The following CACNA2D3 variants were observed in gnomAD, a reference collection of about 807,000 sequenced individuals.
CACNA2D3 encodes calcium voltage-gated channel auxiliary subunit alpha2delta 3.
In CACNA2D3, 60 loss-of-function variants were observed where a neutral mutation model predicts 160.6. The ratio of observed to expected loss-of-function variants is 0.37; its 90% confidence interval spans 0.30 to 0.46. CACNA2D3 has a LOEUF of 0.46. Among genes scored for constraint, CACNA2D3 ranks in the 20% least tolerant of loss-of-function variants. The pLI, the probability that CACNA2D3 is intolerant of heterozygous loss-of-function variation, is 1.00. For missense variants in CACNA2D3, 1,205 were observed against 1,365.0 expected (o/e 0.88, Z 1.85); for synonymous variants, 558 against 492.9 (o/e 1.13, Z -1.75).
chr3:55,051,154 T>C (rs374592494), intron 35 of CACNA2D3, among the ~76,000 whole-genome samples: 10,345 of 151,574 alleles, frequency 0.068, 384 homozygotes, highest in Non-Finnish European at 0.078. Context: ...TGAGGAACTG[T>C]GTTCCTTTGG....
chr3:54,629,300 A>C (rs1306791993), intron 10 of CACNA2D3, among the ~76,000 whole-genome samples: 1 of 152,024 alleles, frequency 6.6e-6, no homozygotes. Flanking sequence ...TCCACAGTTC[A>C]TAACTTGGAT....
chr3:55,018,121 G>T, intron 34 of CACNA2D3, 85 bp from the exon 35 acceptor site: 1 of 765,900 alleles, frequency 1.3e-6, no homozygotes, highest in Non-Finnish European at 2.3e-6. Context: ...GCGGAACTGT[G>T]TTCTGGGTTG....
intron 2 of CACNA2D3, among the ~76,000 whole-genome samples, chr3:54,161,147 A>AAT (rs1176162143): frequency 1.3e-5 from 2 of 152,160 alleles, no homozygotes; most frequent in Non-Finnish European, 1.5e-5. Flanking sequence ...CACACACGTA[A>AAT]AAGCGGTGTG....
intron 27 of CACNA2D3, among the ~76,000 whole-genome samples, chr3:54,950,134 A>T (rs1054428538): frequency 6.6e-6 from 1 of 152,232 alleles, no homozygotes; most frequent in Non-Finnish European, 1.5e-5. Flanking sequence ...AATGGGAGTC[A>T]TAAGTGAAAA....
intron 4 of CACNA2D3, among the ~76,000 whole-genome samples, chr3:54,431,000 A>G (rs1351565381): frequency 6.6e-6 from 1 of 152,178 alleles, no homozygotes; most frequent in African/African-American, 2.4e-5. Flanking sequence ...AGTATATACC[A>G]TATTCTTAGA....
chr3:54,581,614 A>G (rs1044648305), intron 8 of CACNA2D3, among the ~76,000 whole-genome samples, 189 bp from the exon 9 acceptor site: 5 of 152,212 alleles, frequency 3.3e-5, no homozygotes, highest in Admixed American at 3.3e-4. Context: ...CAAGAAAAGA[A>G]TGAAGTCTGT....
At chr3:54,871,979 G>T (rs1331410531) in intron 18 of CACNA2D3, among the ~76,000 whole-genome samples, 1 of 152,196 alleles carries the variant, frequency 6.6e-6, no homozygotes, top group East Asian at 1.9e-4. Flanking sequence ...GCTCTGCCTG[G>T]TGCAAAGTCA....
intron 2 of CACNA2D3, among the ~76,000 whole-genome samples, chr3:54,205,925 G>A (rs185140377): frequency 3.3e-3 from 509 of 152,252 alleles, no homozygotes; most frequent in Non-Finnish European, 4.9e-3. Context: ...TTGTAAGTAC[G>A]CTCATGTGAT....
chr3:54,447,011 C>G (rs1700233253), intron 4 of CACNA2D3, among the ~76,000 whole-genome samples: 1 of 152,090 alleles, frequency 6.6e-6, no homozygotes, highest in African/African-American at 2.4e-5. Context: ...GCATTGACAT[C>G]TTGTTAACTA....
intron 14 of CACNA2D3, among the ~76,000 whole-genome samples, chr3:54,824,293 A>C (rs1171142903): frequency 6.6e-6 from 1 of 152,202 alleles, no homozygotes; most frequent in Non-Finnish European, 1.5e-5. Flanking sequence ...GGAAATCCAC[A>C]AAAAATGGTA....
chr3:54,571,337 G>A (rs1702493408), intron 8 of CACNA2D3, among the ~76,000 whole-genome samples: 1 of 152,064 alleles, frequency 6.6e-6, no homozygotes, highest in South Asian at 2.1e-4. Context: ...GGTGTAAGGA[G>A]GCATGTTCGA....
At chr3:54,635,543 A>G (rs995549774) in intron 10 of CACNA2D3, among the ~76,000 whole-genome samples, 1 of 152,062 alleles carries the variant, frequency 6.6e-6, no homozygotes, top group Admixed American at 6.5e-5. Context: ...GTCTGGAATG[A>G]GACTGGGGCC....
At chr3:55,068,176 G>A (rs577063528) in intron 35 of CACNA2D3, among the ~76,000 whole-genome samples, 1 of 152,216 alleles carries the variant, frequency 6.6e-6, no homozygotes, top group African/African-American at 2.4e-5. Context: ...TTATTGGAGA[G>A]GTGCAAGGGC....
rs888135632 is a variant in CACNA2D3 at position 55,035,880 on chromosome 3, T to C, written c.2987+17563T>C. 5.4e-4 allele frequency among the ~76,000 whole-genome samples: 83 copies of C among 152,320 alleles called. 1 individual carries two copies. Among genetic ancestry groups the C allele is most frequent in the African/African-American group, 1.9e-3 (78 of 41,586 alleles). ...TGAAGTGGTGAATTCAGACAGACTG[T>C]CCAGTAACTGATGAGTGAGGATGGA... is the stretch of plus-strand genomic sequence containing the variant. On this transcript the variant is annotated intron_variant, in intron 35 of 37. Transcript: ENST00000474759.
At chr3:54,475,607 C>G (rs2106884875) in intron 4 of CACNA2D3, among the ~76,000 whole-genome samples, 1 of 152,264 alleles carries the variant, frequency 6.6e-6, no homozygotes, top group Non-Finnish European at 1.5e-5. Context: ...AACTATTAGT[C>G]TCTGCCTATA....
intron 11 of CACNA2D3, among the ~76,000 whole-genome samples, chr3:54,687,140 TTTTTTTTTTTG>T (rs1418216208): frequency 1.4e-4 from 10 of 69,672 alleles, no homozygotes; most frequent in South Asian, 3.7e-4. Flanking sequence ...TTTTTGTTTT[TTTTTTTTTTTG>T]TTTTTTTGAC....
chr3:54,508,049 G>C (rs1272872752), intron 5 of CACNA2D3, among the ~76,000 whole-genome samples: 1 of 152,206 alleles, frequency 6.6e-6, no homozygotes, highest in Non-Finnish European at 1.5e-5. Flanking sequence ...CAGGTGAGTA[G>C]GTACTGTAAC....
At chr3:54,944,910 C>T (rs1701574780) in intron 27 of CACNA2D3, among the ~76,000 whole-genome samples, 1 of 151,970 alleles carries the variant, frequency 6.6e-6, no homozygotes, top group Non-Finnish European at 1.5e-5. Context: ...AAGGTGAAGG[C>T]TCTCCCCAAA....
At chr3:54,763,834 T>TGTACATATATATACGTATATATAC (rs1559573894) in intron 12 of CACNA2D3, among the ~76,000 whole-genome samples, 64 of 38,596 alleles carry the variant, frequency 1.7e-3, no homozygotes, top group South Asian at 4.6e-3. Context: ...CGTATATATA[T>TGTACATATATATACGTATATATAC]GTATATATAT....
Sources: allele counts gnomAD v4.1 joint callset (sites outside exome capture counted in the v4.1 genomes callset), GRCh38; gene constraint gnomAD v4.1.1; transcripts MANE v1.5; gene names NCBI Gene and HGNC (gene_info 2026-07-23, HGNC 2026-07-21).